PTPRK: variants seen among roughly 807,000 people sequenced by gnomAD.
PTPRK encodes receptor-type tyrosine-protein phosphatase kappa.
PTPRK carries 75 observed loss-of-function variants against 178.0 expected under a neutral mutation model. The ratio of observed to expected loss-of-function variants is 0.42; its 90% CI spans 0.35 to 0.51. The LOEUF (loss-of-function observed/expected upper bound fraction) is 0.51. PTPRK is among the 20% of genes least tolerant of loss of function. PTPRK has a pLI of 0.02. For missense variants in PTPRK, 1,441 were observed against 1,797.8 expected (o/e 0.80, Z 3.59); for synonymous variants, 637 against 620.6 (o/e 1.03, Z -0.39).
intron 1 of PTPRK, among the ~76,000 whole-genome samples, chr6:128,445,241 ATAC>A (rs1158548942): frequency 6.8e-6 from 1 of 146,474 alleles, no homozygotes; most frequent in Non-Finnish European, 1.5e-5. Context: ...AATAGTATAA[ATAC>A]TATATATAAT....
chr6:127,970,352 T>A, intron 29 of PTPRK, 72 bp from the exon 30 acceptor site: 4 of 1,267,604 alleles, frequency 3.2e-6, no homozygotes, highest in Non-Finnish European at 3.4e-6. Context: ...AGTTACCAAA[T>A]GAAACTTGAC....
intron 1 of PTPRK, among the ~76,000 whole-genome samples, chr6:128,406,807 C>G (rs1841710048): frequency 1.3e-5 from 2 of 152,198 alleles, no homozygotes; most frequent in Non-Finnish European, 1.5e-5. Context: ...TTTCCTCCCT[C>G]AGTTGAGTGC....
intron 6 of PTPRK, among the ~76,000 whole-genome samples, chr6:128,191,016 G>T (rs1803696926): frequency 6.6e-6 from 1 of 152,254 alleles, no homozygotes; most frequent in African/African-American, 2.4e-5. Context: ...ACTAAAGAAA[G>T]AGTGTGTACT....
chr6:128,167,587 G>A (rs1357013967), intron 7 of PTPRK, among the ~76,000 whole-genome samples: 3 of 151,920 alleles, frequency 2.0e-5, no homozygotes, highest in Non-Finnish European at 2.9e-5. Flanking sequence ...ATATAACTAG[G>A]TGGATTTTAG....
At position 128,128,474 on chromosome 6, in the gene PTPRK, T is replaced by G. The variant is rs183247064; in HGVS notation, c.1163-38482A>C. 2.9e-4 allele frequency among the ~76,000 whole-genome samples: 44 copies of G among 152,264 alleles called. 1 individual carries two copies. The highest frequency in any genetic ancestry group is 5.6e-4 in the Non-Finnish European group (38 of 68,006). ...TGGACACAGGTACAGCCGTCAATTC[T>G]CTTCCCTTGATTCCCAGAACACTTT... On this transcript the variant is annotated intron_variant, in intron 7 of 29. Coordinates refer to ENST00000368226, the MANE Select transcript of PTPRK (RefSeq NM_002844.4).
chr6:128,397,282 C>T (rs1434381358), intron 2 of PTPRK, among the ~76,000 whole-genome samples: 4 of 151,562 alleles, frequency 2.6e-5, no homozygotes, highest in African/African-American at 9.7e-5. Context: ...TTTGTTTATT[C>T]TGTTTTTTCT....
intron 1 of PTPRK, among the ~76,000 whole-genome samples, chr6:128,489,418 G>A (rs1188986968): frequency 6.6e-6 from 1 of 152,180 alleles, no homozygotes; most frequent in African/African-American, 2.4e-5. Context: ...ACACAGAGCA[G>A]ATAATGGCTT....
chr6:128,491,820 A>G (rs1216164632), intron 1 of PTPRK: 1 of 517,208 alleles, frequency 1.9e-6, no homozygotes, highest in African/African-American at 1.9e-5. Flanking sequence ...GAACAACAGC[A>G]GCAAAAGTTA....
rs9482877 is a variant in PTPRK, at chr6:128,238,896, C to T, written c.693+1139G>A. On this transcript the variant is annotated intron_variant, in intron 5 of 29. Transcript: ENST00000368226. ...AATAATTAGATTAATATGAAGTACACCTGTTGTAACCTCCAATTGGAATGC... is the reference window on the plus strand; with the variant it reads ...AATAATTAGATTAATATGAAGTACATCTGTTGTAACCTCCAATTGGAATGC... Among the ~76,000 whole-genome samples the T allele has an allele frequency of 1.8e-3, 280 of 152,176 alleles. 2 individuals carry two copies. Among genetic ancestry groups the T allele is most frequent in the African/African-American group, 6.0e-3 (249 of 41,536 alleles).
intron 3 of PTPRK, among the ~76,000 whole-genome samples, chr6:128,291,704 A>G (rs1823410210): frequency 6.6e-6 from 1 of 152,140 alleles, no homozygotes; most frequent in South Asian, 2.1e-4. Flanking sequence ...GATCACCTCC[A>G]TCAGTCCTTT....
intron 2 of PTPRK, among the ~76,000 whole-genome samples, chr6:128,337,897 A>T (rs1215122027): frequency 1.3e-5 from 2 of 152,180 alleles, no homozygotes; most frequent in South Asian, 2.1e-4. Context: ...GGCAAAATAA[A>T]CCACTTGTGC....
chr6:128,175,358 A>G (rs1303420675), intron 7 of PTPRK, among the ~76,000 whole-genome samples: 1 of 151,890 alleles, frequency 6.6e-6, no homozygotes, highest in African/African-American at 2.4e-5. Context: ...GTTGAATAGT[A>G]TTTGTCAAGA....
intron 3 of PTPRK, among the ~76,000 whole-genome samples, chr6:128,315,892 AAAAT>A (rs1289810763): frequency 5.3e-5 from 8 of 152,240 alleles, no homozygotes; most frequent in Non-Finnish European, 1.2e-4. Context: ...GAAGTGAAGA[AAAAT>A]AAGTCTTTGA....
At chr6:128,210,082 T>C (rs1263501641) in intron 6 of PTPRK, among the ~76,000 whole-genome samples, 2 of 152,032 alleles carry the variant, frequency 1.3e-5, no homozygotes, top group Non-Finnish European at 1.5e-5. Flanking sequence ...GATCAATAAG[T>C]AGGTTTTTTA....
At chr6:128,148,030 A>G (rs1329476782) in intron 7 of PTPRK, among the ~76,000 whole-genome samples, 1 of 152,174 alleles carries the variant, frequency 6.6e-6, no homozygotes, top group Admixed American at 6.5e-5. Context: ...GCTAAACTTG[A>G]GCTAAGATAA....
At chr6:128,297,480 G>A (rs1193596460) in intron 3 of PTPRK, among the ~76,000 whole-genome samples, 1 of 152,072 alleles carries the variant, frequency 6.6e-6, no homozygotes, top group African/African-American at 2.4e-5. Flanking sequence ...TGGAAGTAAA[G>A]CTCTCCTCAG....
At chr6:128,513,542 AAG>A (rs908474163) in intron 1 of PTPRK, among the ~76,000 whole-genome samples, 1 of 152,064 alleles carries the variant, frequency 6.6e-6, no homozygotes, top group Non-Finnish European at 1.5e-5. Context: ...AGAAAGGAAA[AAG>A]AAATATAAAT....
At chr6:128,150,064 T>C (rs1220130603) in intron 7 of PTPRK, among the ~76,000 whole-genome samples, 1 of 152,146 alleles carries the variant, frequency 6.6e-6, no homozygotes, top group African/African-American at 2.4e-5. Flanking sequence ...GGAGGCACAA[T>C]GTAGTCTTAA....
At chr6:128,432,832 C>A (rs998683613) in intron 1 of PTPRK, among the ~76,000 whole-genome samples, 1 of 151,460 alleles carries the variant, frequency 6.6e-6, no homozygotes, top group Admixed American at 6.6e-5. Context: ...AATTTTTATT[C>A]GGTATTTTCA....
Sources: gnomAD v4.1 joint callset for allele counts (sites outside exome capture counted in the v4.1 genomes callset) on GRCh38, gnomAD v4.1.1 for gene constraint, MANE v1.5 for transcripts, NCBI Gene and HGNC (gene_info 2026-07-23, HGNC 2026-07-21) for gene names.